Variants in RORB observed in about 807,000 individuals in gnomAD.
RORB encodes the protein nuclear receptor ROR-beta.
A neutral mutation model predicts 59.1 loss-of-function variants in RORB; 6 were observed. The ratio of observed to expected loss-of-function variants is 0.10; its 90% confidence interval spans 0.06 to 0.20. The LOEUF is 0.20. Ranked by LOEUF, RORB falls within the 10% of genes least tolerant of loss-of-function variation. The pLI is 1.00. For missense variants in RORB, 320 were observed against 560.5 expected, an observed-to-expected ratio of 0.57 and a Z score of 4.33; for synonymous variants, 215 against 204.5, an observed-to-expected ratio of 1.05 and a Z score of -0.44.
chr9:74,558,536 G>A (rs1466829163), intron 1 of RORB, among the ~76,000 whole-genome samples: 4 of 152,132 alleles, frequency 2.6e-5, no homozygotes, highest in Non-Finnish European at 4.4e-5. Context: ...TCATTTGCCC[G>A]TTCATCTAAC....
chr9:74,546,712 T>C (rs1826501488), intron 1 of RORB, among the ~76,000 whole-genome samples: 1 of 152,228 alleles, frequency 6.6e-6, no homozygotes, highest in Non-Finnish European at 1.5e-5. Flanking sequence ...TGATTGCTGT[T>C]GTCGTTTAAT....
At chr9:74,576,689 A>T (rs1434118328) in intron 1 of RORB, among the ~76,000 whole-genome samples, 2 of 152,072 alleles carry the variant, frequency 1.3e-5, no homozygotes, top group Non-Finnish European at 2.9e-5. Context: ...CCGCCTGGGA[A>T]AGCAATTGGT....
intron 1 of RORB, among the ~76,000 whole-genome samples, chr9:74,623,889 G>A (rs1480048021): frequency 6.6e-6 from 1 of 152,170 alleles, no homozygotes; most frequent in Non-Finnish European, 1.5e-5. Flanking sequence ...TGAGTTCAAA[G>A]CCGCTACAAC....
intron 1 of RORB, among the ~76,000 whole-genome samples, chr9:74,598,052 T>C (rs1822998098): frequency 6.6e-6 from 1 of 152,212 alleles, no homozygotes; most frequent in Admixed American, 6.5e-5. Flanking sequence ...TATTTTCAGC[T>C]GTTTTTGCTA....
At chr9:74,528,541 G>A (rs1826189709) in intron 1 of RORB, among the ~76,000 whole-genome samples, 1 of 151,960 alleles carries the variant, frequency 6.6e-6, no homozygotes, top group Admixed American at 6.6e-5. Flanking sequence ...ATGAGAGAAA[G>A]ACAGAGACAG....
chr9:74,644,324 A>G (rs574935311), intron 4 of RORB, among the ~76,000 whole-genome samples: 6 of 152,380 alleles, frequency 3.9e-5, no homozygotes, highest in African/African-American at 1.2e-4. Flanking sequence ...CAACTAAAAT[A>G]ACAAAAATAG....
rs2146777 is a variant in RORB, at chr9:74,630,246, A to C, written c.8-36A>C. The C allele has an allele frequency of 3.1e-6, 5 of 1,608,826 alleles. No homozygotes were observed. In the East Asian group the frequency reaches 8.9e-5, roughly 29 times the overall value. On this transcript the variant is annotated intron_variant, in intron 1 of 9. Transcript: ENST00000376896. ...GGAAGAGTGAAAGGAGAAAGAAAACATCTGTATGCTCAAAATGTCTGTTTT... is the reference window on the plus strand; with the variant it reads ...GGAAGAGTGAAAGGAGAAAGAAAACCTCTGTATGCTCAAAATGTCTGTTTT...
At chr9:74,670,404 T>A (rs1255825409) in intron 8 of RORB, among the ~76,000 whole-genome samples, 1 of 152,164 alleles carries the variant, frequency 6.6e-6, no homozygotes, top group African/African-American at 2.4e-5. Flanking sequence ...ATTAAATGTA[T>A]TAAATATGAA....
chr9:74,685,446 G>A lies in RORB; in HGVS notation c.1225-17G>A. On this transcript the variant is annotated splice_polypyrimidine_tract_variant and intron_variant, in intron 9 of 9. Transcript: ENST00000376896. ...AGCTTCCCTCTCTATCTCCCTCTCT[G>A]TCTCTCCGTTCTGCAGTTAATAGCC... The A allele has an allele frequency of 3.1e-6, 5 of 1,594,632 alleles. No individual in the cohort carries two copies. Among genetic ancestry groups the A allele is most frequent in the Non-Finnish European group, 3.4e-6 (4 of 1,167,188 alleles).
At chr9:74,613,560 G>C (rs1421176939) in intron 1 of RORB, among the ~76,000 whole-genome samples, 1 of 152,044 alleles carries the variant, frequency 6.6e-6, no homozygotes, top group East Asian at 1.9e-4. Flanking sequence ...CAGATGCCTT[G>C]GCCCCCCACC....
intron 2 of RORB, among the ~76,000 whole-genome samples, chr9:74,631,131 G>A (rs561588929): frequency 1.3e-5 from 2 of 152,282 alleles, no homozygotes; most frequent in South Asian, 4.1e-4. Context: ...CTTAAATAAA[G>A]AGCTGGAGGA....
chr9:74,554,689 G>A (rs960162681), intron 1 of RORB, among the ~76,000 whole-genome samples: 2 of 151,994 alleles, frequency 1.3e-5, no homozygotes, highest in African/African-American at 4.8e-5. Flanking sequence ...TTAATACAAA[G>A]GTCTCAGTTA....
intron 1 of RORB, among the ~76,000 whole-genome samples, chr9:74,575,564 T>A (rs77760370): frequency 0.012 from 1,863 of 152,232 alleles, 30 homozygotes; most frequent in African/African-American, 0.042. Context: ...TTTCATTTAC[T>A]ATTATTATCT....
chr9:74,614,531 T>C (rs1823279443), intron 1 of RORB, among the ~76,000 whole-genome samples: 1 of 152,110 alleles, frequency 6.6e-6, no homozygotes, highest in Admixed American at 6.6e-5. Flanking sequence ...ACCATTTTAC[T>C]ATGTACAATA....
chr9:74,585,544 C>T (rs879457272), intron 1 of RORB, among the ~76,000 whole-genome samples: 10 of 152,302 alleles, frequency 6.6e-5, no homozygotes, highest in Middle Eastern at 3.4e-3. Context: ...TCTCCTCCTT[C>T]TGAATTCTGT....
At chr9:74,564,560 T>G in intron 1 of RORB, among the ~76,000 whole-genome samples, 1 of 152,238 alleles carries the variant, frequency 6.6e-6, no homozygotes, top group East Asian at 1.9e-4. Context: ...GGCTGCTGTA[T>G]CTCTTGGTTG....
intron 1 of RORB, among the ~76,000 whole-genome samples, chr9:74,506,403 GC>G (rs1825871221): frequency 6.6e-6 from 1 of 152,016 alleles, no homozygotes; most frequent in Admixed American, 6.6e-5. Flanking sequence ...AGTGTGAGAG[GC>G]AAATATTAGC....
chr9:74,611,523 C>T (rs771160023), intron 1 of RORB, among the ~76,000 whole-genome samples: 3 of 152,118 alleles, frequency 2.0e-5, no homozygotes, highest in Non-Finnish European at 2.9e-5. Context: ...GATGAGCCAT[C>T]GATGTAAAAC....
chr9:74,690,936 G>A lies in RORB; in HGVS notation c.*5318G>A, dbSNP rs1824730849. 1 of 152,170 alleles carries A rather than the reference G, an allele frequency of 6.6e-6. No individual in the cohort carries two copies. The highest frequency in any genetic ancestry group is 2.4e-5 in the African/African-American group (1 of 41,434). The allele number at this position is 152,170 out of a possible 1,614,324, so 9.4% of individuals were successfully genotyped here. A position where few individuals can be genotyped will look rare whatever the true frequency, so the allele number is the denominator to read the frequency against. On this transcript the variant is annotated 3_prime_UTR_variant, in exon 10 of 10. Transcript: ENST00000376896. ...ATGACTTTTATTCTTTTGGGTCTCA[G>A]TGTGTTTCTTGAACTGTGTGACTTC...
Sources: gnomAD v4.1 joint callset for allele counts (sites outside exome capture counted in the v4.1 genomes callset) on GRCh38, gnomAD v4.1.1 for gene constraint, MANE v1.5 for transcripts, NCBI Gene and HGNC (gene_info 2026-07-23, HGNC 2026-07-21) for gene names.